INPP4B: variants seen among roughly 807,000 people sequenced by gnomAD.
INPP4B encodes the protein inositol polyphosphate 4-phosphatase type II.
A neutral mutation model predicts 122.5 loss-of-function variants in INPP4B; 55 were observed. The observed-to-expected ratio is 0.45, with a 90% confidence interval of 0.36 to 0.56. The LOEUF (loss-of-function observed/expected upper bound fraction) is 0.56, where lower values mean the gene tolerates loss of function less well. Ranked by LOEUF, INPP4B falls within the 20% of genes least tolerant of loss-of-function variation. The probability of loss-of-function intolerance (pLI) is 0.00; values close to 1 mark genes in which losing one functional copy is unlikely to be tolerated. For missense variants in INPP4B, 1,000 were observed against 1,097.7 expected (o/e 0.91, Z 1.26); for synonymous variants, 403 against 388.7 (o/e 1.04, Z -0.43).
Position 142,389,149 on chromosome 4 carries a change from C to T in INPP4B, c.372+13789G>A, listed in dbSNP as rs527344968. 5.9e-5 allele frequency among the ~76,000 whole-genome samples: 9 copies of T among 151,400 alleles called. No homozygotes were observed. In the East Asian group the frequency reaches 1.8e-3, roughly 30 times the overall value. On this transcript the variant is annotated intron_variant, in intron 7 of 25. Transcript: ENST00000262992. ...CCTATAATCCCATCTACTTGGGAGT[C>T]TGAGGCAGGAGAATTGCTTGAAGCT...
At chr4:142,623,813 G>C (rs1262494715) in intron 2 of INPP4B, among the ~76,000 whole-genome samples, 1 of 150,756 alleles carries the variant, frequency 6.6e-6, no homozygotes, top group African/African-American at 2.4e-5. Context: ...GTGAGAAAAT[G>C]TAGTGTTTGG....
intron 18 of INPP4B, among the ~76,000 whole-genome samples, chr4:142,129,563 C>T (rs968736869): frequency 6.6e-6 from 1 of 152,154 alleles, no homozygotes; most frequent in African/African-American, 2.4e-5. Context: ...CATAGGAGGC[C>T]TCTAAATACC....
chr4:142,168,605 T>G (rs1435881255), intron 16 of INPP4B, among the ~76,000 whole-genome samples: 1 of 151,610 alleles, frequency 6.6e-6, no homozygotes, highest in East Asian at 1.9e-4. Context: ...TCCCGTTGTA[T>G]TAAAAAGTCT....
intron 12 of INPP4B, among the ~76,000 whole-genome samples, chr4:142,214,247 C>T (rs1253327009): frequency 6.6e-6 from 1 of 152,142 alleles, no homozygotes; most frequent in Non-Finnish European, 1.5e-5. Context: ...AGCACTAGTA[C>T]ATTCTAGAAC....
At chr4:142,244,341 C>T (rs1726763812) in intron 11 of INPP4B, among the ~76,000 whole-genome samples, 2 of 131,246 alleles carry the variant, frequency 1.5e-5, no homozygotes, top group Admixed American at 1.8e-4. Flanking sequence ...GCTCTCTTCC[C>T]CACTCTGGAG....
Position 142,798,924 on chromosome 4 carries a change from G to A in INPP4B, c.-254+47285C>T, listed in dbSNP as rs141241576. ...TAATAGGAGAACAAAAACCGGAAAT[G>A]GTGTGATGGTTAAAGTGTTTATAGG... On this transcript the variant is annotated intron_variant, in intron 1 of 25. Transcript: ENST00000262992. 3.3e-5 allele frequency among the ~76,000 whole-genome samples: 5 copies of A among 151,566 alleles called. No homozygotes were observed. In the East Asian group the frequency reaches 9.7e-4, roughly 29 times the overall value.
intron 11 of INPP4B, among the ~76,000 whole-genome samples, chr4:142,248,914 G>A (rs748765620): frequency 5.9e-5 from 9 of 151,940 alleles, no homozygotes; most frequent in Non-Finnish European, 1.2e-4. Flanking sequence ...TAACATTTAA[G>A]TGCCCAGAGG....
chr4:142,123,368 C>T lies in INPP4B; in HGVS notation c.1941G>A (p.Leu647=), dbSNP rs757035389. The stretch of plus-strand genomic sequence containing the variant: ...GCTGCTGTAGGAAGCCTGGGTCATA[C>T]AGACTTGTCTGTAATTTGATGATAA... ...CGFIIKLQTS[L]YDPGFLQQLH... is the part of the protein sequence containing the mutation. The change falls in exon 20 of 26, where the codon CTG becomes CTA. Residue 647 remains leucine (L), a synonymous_variant. Transcript: ENST00000262992. 1 of 1,612,984 alleles carries T rather than the reference C, an allele frequency of 6.2e-7. No homozygotes were observed.
chr4:142,215,773 G>C (rs1207868616), intron 12 of INPP4B, among the ~76,000 whole-genome samples: 1 of 151,350 alleles, frequency 6.6e-6, no homozygotes, highest in African/African-American at 2.4e-5. Flanking sequence ...GGCGCCTGTA[G>C]TCCCAGCTAC....
At chr4:142,593,936 G>C (rs1255293429) in intron 2 of INPP4B, among the ~76,000 whole-genome samples, 1 of 151,594 alleles carries the variant, frequency 6.6e-6, no homozygotes, top group African/African-American at 2.4e-5. Context: ...TTGTTTTATT[G>C]CTTATTATAT....
intron 2 of INPP4B, among the ~76,000 whole-genome samples, chr4:142,583,235 T>G (rs1183442285): frequency 6.6e-6 from 1 of 152,114 alleles, no homozygotes; most frequent in Non-Finnish European, 1.5e-5. Flanking sequence ...ACAGTAACTT[T>G]GAGACCTTAC....
intron 3 of INPP4B, among the ~76,000 whole-genome samples, chr4:142,458,435 AAC>A (rs1377818076): frequency 6.6e-6 from 1 of 152,194 alleles, no homozygotes; most frequent in Non-Finnish European, 1.5e-5. Context: ...GCAAATTTTA[AAC>A]AGTGAATAAA....
At chr4:142,751,286 A>C (rs1384264406) in intron 1 of INPP4B, among the ~76,000 whole-genome samples, 1 of 53,130 alleles carries the variant, frequency 1.9e-5, no homozygotes, top group Non-Finnish European at 3.6e-5. Flanking sequence ...ACTGTGTCAA[A>C]AAAAAAAAAA....
chr4:142,442,411 CAAAAA>C (rs70949167), intron 3 of INPP4B, among the ~76,000 whole-genome samples: 1 of 78,618 alleles, frequency 1.3e-5, no homozygotes, highest in African/African-American at 5.0e-5. Flanking sequence ...GACTCCATCT[CAAAAA>C]AAAAAAAAAA....
At chr4:142,699,225 T>C (rs1465174855) in intron 2 of INPP4B, among the ~76,000 whole-genome samples, 1 of 152,174 alleles carries the variant, frequency 6.6e-6, no homozygotes, top group African/African-American at 2.4e-5. Flanking sequence ...TTCTGAAGCA[T>C]GGTAGCACAG....
rs1580382162 is a variant in INPP4B at position 142,565,572 on chromosome 4, A to G, written c.-190-102846T>C. On this transcript the variant is annotated intron_variant, in intron 2 of 25. Coordinates refer to ENST00000262992, the MANE Select transcript of INPP4B (RefSeq NM_001101669.3). ...AAGTTAAGGAATTATTGAACCAGAA[A>G]ATTACCATTTGGCAAACACCACAGT... 5.3e-5 allele frequency among the ~76,000 whole-genome samples: 8 copies of G among 152,306 alleles called. No individual in the cohort carries two copies. In the South Asian group the frequency reaches 1.5e-3, roughly 28 times the overall value.
At chr4:142,425,713 C>G (rs1426680267) in intron 5 of INPP4B, among the ~76,000 whole-genome samples, 1 of 151,970 alleles carries the variant, frequency 6.6e-6, no homozygotes, top group Non-Finnish European at 1.5e-5. Context: ...TCAAGTGCCT[C>G]TCCCCCAGAT....
intron 3 of INPP4B, among the ~76,000 whole-genome samples, chr4:142,457,011 TA>T (rs1206994356): frequency 3.3e-5 from 5 of 152,174 alleles, no homozygotes; most frequent in South Asian, 2.1e-4. Context: ...CATAATCAAT[TA>T]TTTTTTTACA....
chr4:142,221,216 G>A (rs781493852), intron 12 of INPP4B, among the ~76,000 whole-genome samples: 2 of 151,700 alleles, frequency 1.3e-5, no homozygotes, highest in Non-Finnish European at 2.9e-5. Context: ...TGGCTAACAT[G>A]GTGAAACCAT....
Sources: gnomAD v4.1 joint callset for allele counts (sites outside exome capture counted in the v4.1 genomes callset) on GRCh38, gnomAD v4.1.1 for gene constraint, MANE v1.5 for transcripts, NCBI Gene and HGNC (gene_info 2026-07-23, HGNC 2026-07-21) for gene names.